The following AKAP9 variants were observed in gnomAD, a reference collection of about 807,000 sequenced individuals.
AKAP9 encodes A-kinase anchor protein 9.
A neutral mutation model predicts 488.5 loss-of-function variants in AKAP9; 311 were observed. The observed-to-expected ratio is 0.64, with a 90% CI of 0.58 to 0.70. AKAP9 has a LOEUF of 0.70. Ranked by LOEUF, AKAP9 falls within the 30% of genes least tolerant of loss-of-function variation. The pLI is 0.00. For synonymous variants in AKAP9, 1,462 were observed against 1,483.5 expected (o/e 0.99, Z 0.33); for missense variants, 4,215 against 4,374.5 (o/e 0.96, Z 1.03).
chr7:92,108,049 A>G (rs1001854424), intron 48 of AKAP9: 2 of 190,314 alleles, frequency 1.1e-5, no homozygotes, highest in African/African-American at 2.4e-5. Context: ...AAAAATATAC[A>G]TAACCTAAGG....
intron 1 of AKAP9, among the ~76,000 whole-genome samples, chr7:91,971,560 C>CTTTTTTTTTT (rs71107844): frequency 3.2e-3 from 218 of 68,544 alleles, no homozygotes; most frequent in Non-Finnish European, 3.8e-3. Context: ...ACATCTATTT[C>CTTTTTTTTTT]TTTTTTTTTT....
intron 21 of AKAP9, 56 bp downstream of exon 21, chr7:92,045,269 G>A: frequency 6.5e-7 from 1 of 1,532,690 alleles, no homozygotes; most frequent in Non-Finnish European, 9.0e-7. Context: ...CTGAGTTCAA[G>A]GCATTTTGCC....
At position 92,095,123 on chromosome 7, in the gene AKAP9, G is replaced by A. The variant is rs1258972045; in HGVS notation, c.9679G>A (p.Glu3227Lys). ...SRELQWALEK[E>K]KAKLGRSEER... ...AGAGCTCCAGTGGGCTTTGGAGAAA[G>A]AGAAAGCCAAGTTGGGACGCAGTGA... The change falls in exon 40 of 50, where the codon GAG (glutamate) becomes AAG (lysine). Residue 3227 changes from glutamate to lysine, a missense_variant. Glu to Lys is a moderately conservative substitution (Grantham distance 56, BLOSUM62 1). Around this residue, in one of 5 missense-constraint regions of AKAP9, gnomAD observed 1,476 missense variants for 1,477.4 expected, o/e 1.00. Transcript: ENST00000356239. 3 of 1,614,172 alleles carry A rather than the reference G, an allele frequency of 1.9e-6. No homozygotes were observed. The highest frequency in any genetic ancestry group is 1.7e-6 in the Non-Finnish European group (2 of 1,180,016).
rs765144371 is a variant in AKAP9 at position 92,079,280 on chromosome 7, A to C, written c.7147A>C (p.Ser2383Arg). Residue 2383 changes from serine (S) to arginine (R), a missense_variant, in exon 31 of 50, where the codon AGT becomes CGT. Coordinates refer to ENST00000356239, the MANE Select transcript of AKAP9 (RefSeq NM_005751.5). ...TCATTCCCTCTCAGAAGAAGCAGAC[A>C]GTTTAAAACATCAATTGGATGTGGT... ...NAHSLSEEADSLKHQLDVVIA... is the reference protein window; with the variant it reads ...NAHSLSEEADRLKHQLDVVIA... 8 of 1,614,006 alleles carry C rather than the reference A, an allele frequency of 5.0e-6. No homozygotes were observed. The East Asian group carries it at 1.6e-4, about 31-fold the overall frequency.
chr7:92,085,444 C>T (rs754146702), intron 35 of AKAP9, 51 bp from the exon 36 acceptor site: 4 of 1,523,844 alleles, frequency 2.6e-6, no homozygotes, highest in Non-Finnish European at 2.7e-6. Flanking sequence ...TCTAATTTTT[C>T]AGTCTGTGAA....
rs373138242 is a variant in AKAP9, at chr7:91,941,282, C to A, written c.48+135C>A. 10 of 769,402 alleles carry A rather than the reference C, an allele frequency of 1.3e-5. 1 individual carries two copies. Among genetic ancestry groups the A allele is most frequent in the East Asian group, 2.6e-5 (1 of 38,172 alleles). 47.7% of individuals were successfully genotyped at this position (769,402 alleles called of 1,614,324 possible). A position where few individuals can be genotyped will look rare whatever the true frequency, so the allele number is the denominator to read the frequency against. On this transcript the variant is annotated intron_variant, in intron 1 of 49. Transcript: ENST00000356239. ...GGGAGGTGCTGCAGGGTCTTAGGGT[C>A]TGCATCTCTCCTCGCCCTCCTCCTT...
At chr7:92,048,927 C>T (rs1410451233) in intron 21 of AKAP9, among the ~76,000 whole-genome samples, 1 of 152,124 alleles carries the variant, frequency 6.6e-6, no homozygotes, top group South Asian at 2.1e-4. Flanking sequence ...TTGGGCAAAC[C>T]TCTTAAGTCT....
chr7:91,992,580 C>G (rs1406971159), intron 4 of AKAP9, among the ~76,000 whole-genome samples: 2 of 146,690 alleles, frequency 1.4e-5, no homozygotes, highest in Non-Finnish European at 3.0e-5. Flanking sequence ...AAGAGAATTG[C>G]TTGAACCCGG....
chr7:92,085,707 A>T, intron 36 of AKAP9, 21 bp downstream of exon 36: 1 of 1,536,110 alleles, frequency 6.5e-7, no homozygotes. Flanking sequence ...AATACTATGC[A>T]TTTAAATCAT....
chr7:92,037,682 G>T (rs928820385), intron 16 of AKAP9, among the ~76,000 whole-genome samples: 4 of 152,130 alleles, frequency 2.6e-5, no homozygotes, highest in Non-Finnish European at 5.9e-5. Context: ...GGTCAAATTG[G>T]ATTATAATGA....
In AKAP9 at chr7:91,948,810, C is replaced by T. The variant is rs556661776; in HGVS notation, c.48+7663C>T. Among the ~76,000 whole-genome samples, 3 of 151,674 alleles carry T rather than the reference C, an allele frequency of 2.0e-5. No individual in the cohort carries two copies. The East Asian group carries it at 5.8e-4, about 29-fold the overall frequency. ...TGTATTTTTAGCAGAGATGGGGTTT[C>T]ACCATGTTGGCCAGGCTGGTCTTGA... On this transcript the variant is annotated intron_variant, in intron 1 of 49. Transcript: ENST00000356239.
At chr7:92,063,785 T>C (rs1352113099) in intron 24 of AKAP9, among the ~76,000 whole-genome samples, 1 of 152,202 alleles carries the variant, frequency 6.6e-6, no homozygotes, top group Non-Finnish European at 1.5e-5. Flanking sequence ...TTTGTTTGTC[T>C]GTGTTTGTTT....
chr7:92,024,815 G>A (rs1027012284), intron 14 of AKAP9, among the ~76,000 whole-genome samples: 7 of 152,112 alleles, frequency 4.6e-5, no homozygotes, highest in African/African-American at 1.4e-4. Context: ...TATAGTGGAC[G>A]AAATACTGAA....
At position 92,012,664 on chromosome 7, in the gene AKAP9, A is replaced by G. The variant is rs376598988; in HGVS notation, c.3532+22A>G. ...ACAGGTAAAATGGTTTCTGACTTAT[A>G]AGTACCATGATCCAAATAAGTATTG... On this transcript the variant is annotated intron_variant, in intron 9 of 49. Transcript: ENST00000356239. The G allele has an allele frequency of 5.8e-5, 91 of 1,566,030 alleles. No homozygotes were observed. In the African/African-American group the frequency reaches 1.2e-3, roughly 21 times the overall value.
At chr7:91,952,294 G>A (rs541824492) in intron 1 of AKAP9, among the ~76,000 whole-genome samples, 2 of 152,300 alleles carry the variant, frequency 1.3e-5, no homozygotes, top group African/African-American at 4.8e-5. Context: ...AAATATGATT[G>A]AACACTTACT....
chr7:92,003,049 A>G lies in AKAP9; in HGVS notation c.3132A>G (p.Glu1044=). The G allele has an allele frequency of 6.2e-7, 1 of 1,613,374 alleles. No homozygotes were observed. The highest frequency in any genetic ancestry group is 8.5e-7 in the Non-Finnish European group (1 of 1,179,606). Residue 1044 remains glutamate, a synonymous_variant, in exon 8 of 50, where the codon GAA becomes GAG. Transcript: ENST00000356239. ...SVSKVNKSFG[E]ESKIMVEDKV... is the part of the protein sequence containing the mutation. ...CTAAAGTAAATAAAAGTTTTGGTGA[A>G]GAATCAAAAATAATGGTGGAAGATA...
At chr7:92,103,530 A>G (rs1305327483) in intron 46 of AKAP9, among the ~76,000 whole-genome samples, 1 of 151,486 alleles carries the variant, frequency 6.6e-6, no homozygotes, top group African/African-American at 2.4e-5. Context: ...ATCTCTGCTA[A>G]AAGTGTACAA....
chr7:92,013,466 T>A (rs956210978), intron 9 of AKAP9, among the ~76,000 whole-genome samples: 3 of 152,172 alleles, frequency 2.0e-5, no homozygotes, highest in Non-Finnish European at 4.4e-5. Flanking sequence ...TATATAAGCC[T>A]TATGCTGTTG....
At chr7:91,941,829 G>A (rs1790795120) in intron 1 of AKAP9, among the ~76,000 whole-genome samples, 1 of 151,882 alleles carries the variant, frequency 6.6e-6, no homozygotes, top group Admixed American at 6.6e-5. Context: ...AACACCTATA[G>A]AATTCCTGCT....
Sources: gnomAD v4.1 joint callset for allele counts (sites outside exome capture counted in the v4.1 genomes callset) on GRCh38, gnomAD v4.1.1 for gene constraint, gnomAD v4.1.1 regional missense constraint, MANE v1.5 for transcripts, NCBI Gene and HGNC (gene_info 2026-07-23, HGNC 2026-07-21) for gene names.